TTC28: variants seen among roughly 807,000 people sequenced by gnomAD.
TTC28 encodes tetratricopeptide repeat domain 28.
In TTC28, 61 loss-of-function variants were observed where a neutral mutation model predicts 198.0. That is an observed-to-expected ratio of 0.31 (90% CI 0.25 to 0.38). The LOEUF is 0.38. Among genes scored for constraint, TTC28 ranks in the 10% least tolerant of loss-of-function variants. The pLI, the probability that TTC28 is intolerant of heterozygous loss-of-function variation, is 1.00. For synonymous variants in TTC28, 1,171 were observed against 1,297.8 expected (o/e 0.90, Z 2.10); for missense variants, 2,678 against 3,164.0 (o/e 0.85, Z 3.69).
intron 2 of TTC28, among the ~76,000 whole-genome samples, chr22:28,357,315 A>ATT (rs11415868): frequency 0.15 from 17,498 of 113,384 alleles, 1,922 homozygotes; most frequent in African/African-American, 0.22. Flanking sequence ...CAAATTTCTT[A>ATT]TTTTTTTTTT....
chr22:28,245,035 T>C (rs1273592928), intron 5 of TTC28, among the ~76,000 whole-genome samples: 1 of 152,180 alleles, frequency 6.6e-6, no homozygotes, highest in African/African-American at 2.4e-5. Flanking sequence ...GCAGTTATCA[T>C]TCAAATGCCC....
intron 5 of TTC28, among the ~76,000 whole-genome samples, chr22:28,234,188 G>A (rs1929051701): frequency 6.6e-6 from 1 of 151,988 alleles, no homozygotes; most frequent in African/African-American, 2.4e-5. Flanking sequence ...TTACAGGCAT[G>A]AGCCACCGCA....
chr22:28,470,493 C>T (rs578080405), intron 2 of TTC28, among the ~76,000 whole-genome samples: 14 of 152,262 alleles, frequency 9.2e-5, no homozygotes, highest in African/African-American at 2.2e-4. Flanking sequence ...AAAAAAAATG[C>T]ATCTGCCTCC....
At chr22:28,482,126 G>A (rs1173585112) in intron 2 of TTC28, among the ~76,000 whole-genome samples, 1 of 150,698 alleles carries the variant, frequency 6.6e-6, no homozygotes, top group Non-Finnish European at 1.5e-5. Context: ...GAATCAACTA[G>A]CGCAGCAGAT....
intron 2 of TTC28, among the ~76,000 whole-genome samples, chr22:28,313,042 C>A (rs752277571): frequency 1.2e-4 from 19 of 152,108 alleles, no homozygotes; most frequent in Admixed American, 3.9e-4. Context: ...CACCACTGAT[C>A]CCACAGAAAT....
chr22:27,990,367 G>T (rs1356720780), intron 20 of TTC28, among the ~76,000 whole-genome samples: 1 of 152,178 alleles, frequency 6.6e-6, no homozygotes, highest in Non-Finnish European at 1.5e-5. Flanking sequence ...TCATCTTTAG[G>T]ACCTTGAGGT....
At chr22:28,594,804 A>G (rs2050509302) in intron 2 of TTC28, among the ~76,000 whole-genome samples, 1 of 152,186 alleles carries the variant, frequency 6.6e-6, no homozygotes, top group African/African-American at 2.4e-5. Context: ...AATCTTCACC[A>G]TCCGATAAAT....
chr22:28,392,716 G>A (rs569087551), intron 2 of TTC28, among the ~76,000 whole-genome samples: 5 of 152,166 alleles, frequency 3.3e-5, no homozygotes, highest in South Asian at 2.1e-4. Context: ...CATGGTGCGC[G>A]CACCCACTGA....
intron 2 of TTC28, among the ~76,000 whole-genome samples, chr22:28,580,867 A>T (rs2050223913): frequency 6.6e-6 from 1 of 152,214 alleles, no homozygotes; most frequent in Admixed American, 6.5e-5. Flanking sequence ...AAAATCTCAG[A>T]AGTTTCAAAC....
At chr22:28,067,668 T>C (rs557046229) in intron 12 of TTC28, among the ~76,000 whole-genome samples, 1 of 152,296 alleles carries the variant, frequency 6.6e-6, no homozygotes, top group African/African-American at 2.4e-5. Flanking sequence ...AACAGAGATA[T>C]TCACCAAATA....
At chr22:28,600,818 GGTCACAAGGATT>G (rs2050628400) in intron 2 of TTC28, among the ~76,000 whole-genome samples, 1 of 152,148 alleles carries the variant, frequency 6.6e-6, no homozygotes, top group South Asian at 2.1e-4. Context: ...CTTAAAGCAT[GGTCACAAGGATT>G]TATAAAAGAT....
intron 2 of TTC28, among the ~76,000 whole-genome samples, chr22:28,377,192 T>C (rs1363797209): frequency 6.9e-6 from 1 of 144,468 alleles, no homozygotes; most frequent in Non-Finnish European, 1.5e-5. Context: ...ACATAATATA[T>C]TGTAAAGTAA....
intron 2 of TTC28, among the ~76,000 whole-genome samples, chr22:28,339,019 T>C (rs1269788041): frequency 6.6e-6 from 1 of 152,146 alleles, no homozygotes; most frequent in East Asian, 1.9e-4. Context: ...CTACCTTTGG[T>C]CTTTGATGAT....
chr22:28,478,550 C>T (rs2048198100), intron 2 of TTC28, among the ~76,000 whole-genome samples: 1 of 146,730 alleles, frequency 6.8e-6, no homozygotes, highest in Non-Finnish European at 1.5e-5. Context: ...TTTAGACATG[C>T]ATGTTGAAAT....
At chr22:28,145,453 C>T (rs1943448359) in intron 6 of TTC28, among the ~76,000 whole-genome samples, 1 of 152,028 alleles carries the variant, frequency 6.6e-6, no homozygotes. Context: ...CAATTGATTG[C>T]CTTACTCCGA....
chr22:28,472,191 G>A (rs1217078660), intron 2 of TTC28, among the ~76,000 whole-genome samples: 3 of 151,982 alleles, frequency 2.0e-5, no homozygotes, highest in South Asian at 4.1e-4. Flanking sequence ...TATCTATCAC[G>A]TTTCAATTCT....
At chr22:28,389,273 T>C (rs2046672790) in intron 2 of TTC28, among the ~76,000 whole-genome samples, 1 of 152,176 alleles carries the variant, frequency 6.6e-6, no homozygotes, top group Admixed American at 6.5e-5. Context: ...TTTGCATCGA[T>C]GTTCATCAAG....
rs778423162 is a variant in TTC28, at chr22:28,535,086, C to T, written c.381+94466G>A. Among the ~76,000 whole-genome samples, 6 of 151,888 alleles carry T rather than the reference C, an allele frequency of 4.0e-5. No individual in the cohort carries two copies. In the South Asian group the frequency reaches 6.2e-4, roughly 16 times the overall value. On this transcript the variant is annotated intron_variant, in intron 2 of 22. Coordinates refer to ENST00000397906, the MANE Select transcript of TTC28 (RefSeq NM_001145418.2). ...ATAATAATAAAAAAAAGAAAGATGACGGCTCTAGGAATACAATGGTTACTG... is the reference window on the plus strand; with the variant it reads ...ATAATAATAAAAAAAAGAAAGATGATGGCTCTAGGAATACAATGGTTACTG...
chr22:28,499,257 T>C (rs1469914223), intron 2 of TTC28, among the ~76,000 whole-genome samples: 1 of 152,118 alleles, frequency 6.6e-6, no homozygotes, highest in African/African-American at 2.4e-5. Context: ...GATGTGACTG[T>C]GAAAAAATGT....
Sources: gnomAD v4.1 joint callset for allele counts (sites outside exome capture counted in the v4.1 genomes callset) on GRCh38, gnomAD v4.1.1 for gene constraint, MANE v1.5 for transcripts, NCBI Gene and HGNC (gene_info 2026-07-23, HGNC 2026-07-21) for gene names.